ASTN2: variants seen among roughly 807,000 people sequenced by gnomAD.
ASTN2 encodes astrotactin-2.
In ASTN2, 54 loss-of-function variants were observed where a neutral mutation model predicts 139.8. The observed-to-expected ratio is 0.39, with a 90% confidence interval of 0.31 to 0.48. The LOEUF (loss-of-function observed/expected upper bound fraction) is 0.48. Ranked by LOEUF, ASTN2 falls within the 20% of genes least tolerant of loss-of-function variation. The probability of loss-of-function intolerance (pLI) is 0.95; values close to 1 mark genes in which losing one functional copy is unlikely to be tolerated. For missense variants in ASTN2, 1,565 were observed against 1,725.1 expected, an observed-to-expected ratio of 0.91 and a Z score of 1.64; for synonymous variants, 756 against 719.5, an observed-to-expected ratio of 1.05 and a Z score of -0.81.
intron 10 of ASTN2, among the ~76,000 whole-genome samples, chr9:116,931,351 C>CT (rs1308932451): frequency 6.6e-6 from 1 of 152,182 alleles, no homozygotes. Flanking sequence ...TAGAACATCC[C>CT]TGTCACAGGT....
At chr9:116,820,900 CT>C (rs1188252480) in intron 11 of ASTN2, 117 bp from the exon 12 acceptor site, 2 of 1,079,764 alleles carry the variant, frequency 1.9e-6, no homozygotes, top group African/African-American at 3.2e-5. Flanking sequence ...GGTATTCAGT[CT>C]CCTTTTGTCA....
At chr9:116,755,844 G>A (rs550134139) in intron 13 of ASTN2, among the ~76,000 whole-genome samples, 51 of 152,348 alleles carry the variant, frequency 3.3e-4, no homozygotes, top group Admixed American at 2.9e-3. Flanking sequence ...GAGGCAGAAG[G>A]TGATGTAAAC....
At chr9:116,621,434 C>CAT (rs1491201887) in intron 17 of ASTN2, among the ~76,000 whole-genome samples, 2 of 123,226 alleles carry the variant, frequency 1.6e-5, no homozygotes, top group African/African-American at 6.1e-5. Flanking sequence ...CACACACACA[C>CAT]ATGCACGCAC....
intron 4 of ASTN2, among the ~76,000 whole-genome samples, chr9:117,118,033 C>T (rs55954691): frequency 0.38 from 57,558 of 151,910 alleles, 11,209 homozygotes; most frequent in Non-Finnish European, 0.43. Context: ...GAAAAAAGTG[C>T]CAGGTTGTTC....
chr9:117,267,813 G>T lies in ASTN2; in HGVS notation c.630+23513C>A, dbSNP rs146927110. On this transcript the variant is annotated intron_variant, in intron 2 of 22. Transcript: ENST00000313400. ...GTTTCATGATGAGGGGAGGAGCGGG[G>T]AGTGATTTAGTAGTTTTCAAGCCAT... 4.9e-4 allele frequency among the ~76,000 whole-genome samples: 74 copies of T among 152,252 alleles called. 3 individuals carry two copies. The East Asian group carries it at 0.014, about 29-fold the overall frequency.
intron 19 of ASTN2, among the ~76,000 whole-genome samples, chr9:116,492,551 G>C (rs187217460): frequency 7.4e-4 from 112 of 152,172 alleles, no homozygotes; most frequent in Admixed American, 2.7e-3. Flanking sequence ...ACAAAAACTT[G>C]GTGCCTTGAC....
At chr9:116,891,171 G>A (rs1003608313) in intron 10 of ASTN2, among the ~76,000 whole-genome samples, 2 of 152,166 alleles carry the variant, frequency 1.3e-5, no homozygotes, top group African/African-American at 4.8e-5. Context: ...CTTAAAGACT[G>A]TTTATATTTT....
intron 20 of ASTN2, among the ~76,000 whole-genome samples, chr9:116,467,494 T>C (rs894975432): frequency 1.3e-5 from 2 of 152,192 alleles, no homozygotes; most frequent in African/African-American, 4.8e-5. Flanking sequence ...CTCAATCTCT[T>C]GACCTCGTGA....
At chr9:116,597,295 A>G (rs1854626480) in intron 19 of ASTN2, among the ~76,000 whole-genome samples, 1 of 71,552 alleles carries the variant, frequency 1.4e-5, no homozygotes, top group Non-Finnish European at 3.0e-5. Flanking sequence ...ATGACTTTTG[A>G]TCTATTTTTT....
intron 7 of ASTN2, among the ~76,000 whole-genome samples, chr9:116,998,774 G>T (rs550633628): frequency 3.3e-5 from 5 of 152,162 alleles, no homozygotes; most frequent in African/African-American, 1.2e-4. Flanking sequence ...ATCTTACTGT[G>T]GATTTTACCT....
Position 116,790,962 on chromosome 9 carries a change from AGAAG to A in ASTN2, c.2396+14666_2396+14669del, listed in dbSNP as rs1488773987. Among the ~76,000 whole-genome samples, 5 of 123,394 alleles carry A rather than the reference AGAAG, an allele frequency of 4.1e-5. No individual in the cohort carries two copies. In the East Asian group the frequency reaches 8.4e-4, roughly 21 times the overall value. The allele number at this position is 123,394 out of a possible 152,430, so 81.0% of individuals were successfully genotyped here. A position where few individuals can be genotyped will look rare whatever the true frequency, so the allele number is the denominator to read the frequency against. On this transcript the variant is annotated intron_variant, in intron 13 of 22. Coordinates refer to ENST00000313400, the MANE Select transcript of ASTN2 (RefSeq NM_001365068.1). ...AGAAAGAAAGAAAGAAAGAAAAGAA[AGAAG>A]GAAAGAAAGAAAGAAAGAAAGAAAG...
In ASTN2 at chr9:117,281,936, T is replaced by C. The variant is rs371856141; in HGVS notation, c.630+9390A>G. Among the ~76,000 whole-genome samples, 15 of 152,252 alleles carry C rather than the reference T, an allele frequency of 9.9e-5. No homozygotes were observed. The East Asian group carries it at 2.1e-3, about 22-fold the overall frequency. On this transcript the variant is annotated intron_variant, in intron 2 of 22. Transcript: ENST00000313400. Reference sequence around the variant, plus strand: ...CCCCGATTGCCCGCCCTTCACTCCATCTACCTCGCTACCCGACTCCCAGCC... The same window carrying C: ...CCCCGATTGCCCGCCCTTCACTCCACCTACCTCGCTACCCGACTCCCAGCC...
chr9:117,280,594 A>C (rs1394333419), intron 2 of ASTN2, among the ~76,000 whole-genome samples: 1 of 152,188 alleles, frequency 6.6e-6, no homozygotes, highest in Non-Finnish European at 1.5e-5. Context: ...CATAAGCTGG[A>C]AGAGGCAAGA....
chr9:116,630,704 T>A (rs574305109), intron 17 of ASTN2, among the ~76,000 whole-genome samples: 1 of 152,144 alleles, frequency 6.6e-6, no homozygotes, highest in Admixed American at 6.5e-5. Context: ...AATAGACAAA[T>A]AGGATTACAT....
chr9:117,249,254 C>T (rs4838347), intron 2 of ASTN2, among the ~76,000 whole-genome samples: 142,773 of 152,212 alleles, frequency 0.94, 67,663 homozygotes, highest in East Asian at 1. Flanking sequence ...AAAGGATCCA[C>T]GGGAAATCTG....
intron 22 of ASTN2, among the ~76,000 whole-genome samples, chr9:116,433,640 T>C (rs1255676333): frequency 6.6e-6 from 1 of 152,222 alleles, no homozygotes; most frequent in Non-Finnish European, 1.5e-5. Context: ...TATACACATA[T>C]ATTTTTAAGC....
intron 19 of ASTN2, among the ~76,000 whole-genome samples, chr9:116,513,408 A>G (rs1395905492): frequency 6.6e-6 from 1 of 152,116 alleles, no homozygotes; most frequent in African/African-American, 2.4e-5. Flanking sequence ...GGATAACCCA[A>G]CCTTTCTCTC....
chr9:116,479,492 T>A (rs1849098035), intron 20 of ASTN2, among the ~76,000 whole-genome samples: 1 of 152,004 alleles, frequency 6.6e-6, no homozygotes, highest in Non-Finnish European at 1.5e-5. Flanking sequence ...GCTTTTGGAA[T>A]AGGATTGTTG....
At chr9:116,951,734 A>G (rs1057109429) in intron 10 of ASTN2, among the ~76,000 whole-genome samples, 17 of 152,224 alleles carry the variant, frequency 1.1e-4, no homozygotes, top group Admixed American at 2.6e-4. Context: ...CAAGTTATCT[A>G]TGATCTCACT....
Sources: allele counts gnomAD v4.1 joint callset (sites outside exome capture counted in the v4.1 genomes callset), GRCh38; gene constraint gnomAD v4.1.1; transcripts MANE v1.5; gene names NCBI Gene and HGNC (gene_info 2026-07-23, HGNC 2026-07-21).